Variants in PCDHGC4 observed in about 807,000 individuals in gnomAD.
PCDHGC4 encodes protocadherin gamma-C4.
Under a neutral mutation model 59.7 loss-of-function variants are expected in PCDHGC4, and 15 were observed. The observed-to-expected ratio is 0.25, with a 90% confidence interval of 0.17 to 0.39. PCDHGC4 has a LOEUF of 0.39. Among genes scored for constraint, PCDHGC4 ranks in the 10% least tolerant of loss-of-function variants. The pLI is 1.00. For missense variants in PCDHGC4, 1,016 were observed against 1,189.5 expected (o/e 0.85, Z 2.15); for synonymous variants, 434 against 481.4 (o/e 0.90, Z 1.29).
intron 2 of PCDHGC4, among the ~76,000 whole-genome samples, chr5:141,504,799 C>A (rs1474096570): frequency 6.6e-6 from 1 of 151,994 alleles, no homozygotes; most frequent in African/African-American, 2.4e-5. Context: ...CCTACATCTC[C>A]CCCTAGGTAC....
At position 141,511,238 on chromosome 5, in the gene PCDHGC4, G is replaced by A; in HGVS notation, c.*65G>A. ...CAACCAGCCCAGCTTCTCCTTACCT[G>A]CACCCAGGCCTCAGAGTTTCAGGGC... On this transcript the variant is annotated 3_prime_UTR_variant, in exon 4 of 4. Coordinates refer to ENST00000306593, the MANE Select transcript of PCDHGC4 (RefSeq NM_018928.3). 6.3e-7 allele frequency: 1 copy of A among 1,589,142 alleles called. No homozygotes were observed. The highest frequency in any genetic ancestry group is 2.3e-5 in the East Asian group (1 of 43,302).
chr5:141,499,486 C>T (rs569172977), intron 2 of PCDHGC4, among the ~76,000 whole-genome samples: 3 of 152,284 alleles, frequency 2.0e-5, no homozygotes, highest in East Asian at 1.9e-4. Context: ...CCACCAACTA[C>T]AGTTTAATAT....
intron 2 of PCDHGC4, among the ~76,000 whole-genome samples, chr5:141,502,829 C>A (rs1034808123): frequency 2.0e-5 from 3 of 150,428 alleles, no homozygotes; most frequent in African/African-American, 7.4e-5. Context: ...CTTGGGGAAG[C>A]CTGGACTGGC....
rs2099745664 is a variant in PCDHGC4 at position 141,493,015 on chromosome 5, T to A, written c.2443-1792T>A. Among the ~76,000 whole-genome samples, 1 of 152,238 alleles carries A rather than the reference T, an allele frequency of 6.6e-6. No homozygotes were observed. The highest frequency in any genetic ancestry group is 1.5e-5 in the Non-Finnish European group (1 of 68,040). ...ATGGAAAGCTATAGGCTCTGCCAGA[T>A]GCCAGGGTGCCCTTATGTGTGAGGA... On this transcript the variant is annotated intron_variant, in intron 1 of 3. Transcript: ENST00000306593. The surrounding 1 kb of genome is among the most constrained non-coding windows in gnomAD (Gnocchi z 4.3).
chr5:141,490,120 G>A lies in PCDHGC4; in HGVS notation c.2442+2505G>A. On this transcript the variant is annotated intron_variant, in intron 1 of 3. Coordinates refer to ENST00000306593, the MANE Select transcript of PCDHGC4 (RefSeq NM_018928.3). This position sits in a 1 kb window ranked among gnomAD's most constrained non-coding sequence, Gnocchi z 5.4. ...ATCTGAGGCAGTGCGGAACCTCTTT[G>A]GCCTAGACCCTAGCAGTGGGGCAAT... 6.2e-7 allele frequency: 1 copy of A among 1,614,224 alleles called. No homozygotes were observed. Among genetic ancestry groups the A allele is most frequent in the East Asian group, 2.2e-5 (1 of 44,888 alleles).
At chr5:141,503,736 T>C (rs1381045077) in intron 2 of PCDHGC4, among the ~76,000 whole-genome samples, 4 of 152,202 alleles carry the variant, frequency 2.6e-5, no homozygotes, top group African/African-American at 9.6e-5. Context: ...TTTGTTGTGA[T>C]GGTATAGAGG....
intron 2 of PCDHGC4, among the ~76,000 whole-genome samples, chr5:141,495,601 G>A (rs1315613802): frequency 3.3e-5 from 5 of 152,004 alleles, no homozygotes; most frequent in South Asian, 2.1e-4. Context: ...CTTAGCTTCC[G>A]TCTTGATTGC....
chr5:141,499,418 A>G (rs143234735), intron 2 of PCDHGC4, among the ~76,000 whole-genome samples: 1 of 152,296 alleles, frequency 6.6e-6, no homozygotes, highest in East Asian at 1.9e-4. Context: ...GAAACATGAA[A>G]AATAGAAAAA....
Position 141,487,082 on chromosome 5 carries a change from G to A in PCDHGC4, c.1909G>A (p.Asp637Asn), listed in dbSNP as rs2099639361. Residue 637 changes from aspartate to asparagine, a missense_variant, in exon 1 of 4, where the codon GAC (aspartate) becomes AAC (asparagine). Transcript: ENST00000306593. The surrounding 1 kb of genome is among the most constrained non-coding windows in gnomAD (Gnocchi z 5.0). Reference sequence around the variant, plus strand: ...GCGGACGGCTGTTCCTATCCCAGCTGACCTCCCACCACAGAAGCTGGTCAT... The same window carrying A: ...GCGGACGGCTGTTCCTATCCCAGCTAACCTCCCACCACAGAAGCTGGTCAT... The part of the protein sequence containing the change: ...EVRTAVPIPA[D>N]LPPQKLVIVV... The A allele has an allele frequency of 8.1e-6, 13 of 1,614,056 alleles. No individual in the cohort carries two copies. The highest frequency in any genetic ancestry group is 1.1e-5 in the Non-Finnish European group (13 of 1,179,938).
chr5:141,492,691 C>G (rs2099743102), intron 1 of PCDHGC4, among the ~76,000 whole-genome samples: 1 of 152,274 alleles, frequency 6.6e-6, no homozygotes, highest in South Asian at 2.1e-4. Flanking sequence ...TCGGCGACCC[C>G]TCAACCCAGA....
chr5:141,491,932 G>A lies in PCDHGC4; in HGVS notation c.2443-2875G>A. Reference sequence around the variant, plus strand: ...GGCGACTGTGGGCGAGGGGAGGTGGGACCGACCCCCACCCCTACACTCAAA... The same window carrying A: ...GGCGACTGTGGGCGAGGGGAGGTGGAACCGACCCCCACCCCTACACTCAAA... On this transcript the variant is annotated intron_variant, in intron 1 of 3. Transcript: ENST00000306593. This position sits in a 1 kb window ranked among gnomAD's most constrained non-coding sequence, Gnocchi z 6.9. 1 of 1,259,014 alleles carries A rather than the reference G, an allele frequency of 7.9e-7. No homozygotes were observed. The highest frequency in any genetic ancestry group is 1.1e-6 in the Non-Finnish European group (1 of 926,048). The allele number at this position is 1,259,014 out of a possible 1,614,324, so 78.0% of individuals were successfully genotyped here. A position where few individuals can be genotyped will look rare whatever the true frequency, so the allele number is the denominator to read the frequency against.
At chr5:141,495,710 G>C (rs2099763133) in intron 2 of PCDHGC4, among the ~76,000 whole-genome samples, 1 of 152,148 alleles carries the variant, frequency 6.6e-6, no homozygotes, top group Non-Finnish European at 1.5e-5. Flanking sequence ...TGTGGAGTGA[G>C]TAACTACACG....
At chr5:141,500,500 C>T (rs6872480) in intron 2 of PCDHGC4, among the ~76,000 whole-genome samples, 1,599 of 152,210 alleles carry the variant, frequency 0.011, 36 homozygotes, top group African/African-American at 0.036. Context: ...TGAGCCACCG[C>T]GCCTGGCCGA....
At chr5:141,500,619 G>A (rs1230172485) in intron 2 of PCDHGC4, among the ~76,000 whole-genome samples, 1 of 152,072 alleles carries the variant, frequency 6.6e-6, no homozygotes, top group East Asian at 1.9e-4. Context: ...CCAGTCATAC[G>A]GTACATTTCC....
chr5:141,502,491 T>G lies in PCDHGC4; in HGVS notation c.2502-2902T>G, dbSNP rs557202239. Among the ~76,000 whole-genome samples, 1,415 of 152,344 alleles carry G rather than the reference T, an allele frequency of 9.3e-3. 29 individuals carry two copies. The highest frequency in any genetic ancestry group is 0.033 in the African/African-American group (1,352 of 41,578). ...TCCCGCAGCATCACACTGGGACTCA[T>G]CTAACGTCGGCCTGTCCCACTATCA... is the stretch of plus-strand genomic sequence containing the variant. On this transcript the variant is annotated intron_variant, in intron 2 of 3. Transcript: ENST00000306593.
At chr5:141,506,119 G>T (rs1171566108) in intron 3 of PCDHGC4, among the ~76,000 whole-genome samples, 1 of 152,106 alleles carries the variant, frequency 6.6e-6, no homozygotes, top group African/African-American at 2.4e-5. Context: ...AGTCACTAGG[G>T]CCCAGAGCAG....
rs1014896576 is a variant in PCDHGC4, at chr5:141,512,427, C to T, written c.*1254C>T. 6.5e-6 allele frequency: 1 copy of T among 152,788 alleles called. No individual in the cohort carries two copies. Among genetic ancestry groups the T allele is most frequent in the African/African-American group, 2.4e-5 (1 of 41,460 alleles). The allele number at this position is 152,788 out of a possible 1,614,324, so 9.5% of individuals were successfully genotyped here. A position where few individuals can be genotyped will look rare whatever the true frequency, so the allele number is the denominator to read the frequency against. On this transcript the variant is annotated 3_prime_UTR_variant, in exon 4 of 4. Transcript: ENST00000306593. ...GGGCTTCTTCAACAGGGCCCCTGCC[C>T]TCCTGAAGCCTCAGTCCTTCACCTT...
intron 2 of PCDHGC4, among the ~76,000 whole-genome samples, chr5:141,503,075 G>C (rs1373753092): frequency 6.6e-6 from 1 of 151,438 alleles, no homozygotes; most frequent in Non-Finnish European, 1.5e-5. Context: ...GAATGGTCTC[G>C]ATCTCCTGAC....
Position 141,505,383 on chromosome 5 carries a change from C to T in PCDHGC4, c.2502-10C>T, listed in dbSNP as rs369765886. On this transcript the variant is annotated splice_polypyrimidine_tract_variant and intron_variant, in intron 2 of 3. Coordinates refer to ENST00000306593, the MANE Select transcript of PCDHGC4 (RefSeq NM_018928.3). Reference sequence around the variant, plus strand: ...GGGAGTCTGTGCTCACCATCCTACTCTCTCCCCAGCTCCCAAAATGGCGAT... The same window carrying T: ...GGGAGTCTGTGCTCACCATCCTACTTTCTCCCCAGCTCCCAAAATGGCGAT... The T allele has an allele frequency of 1.2e-6, 2 of 1,613,944 alleles. No individual in the cohort carries two copies. Among genetic ancestry groups the T allele is most frequent in the African/African-American group, 2.7e-5 (2 of 74,914 alleles).
Sources: gnomAD v4.1 joint callset for allele counts (sites outside exome capture counted in the v4.1 genomes callset) on GRCh38, gnomAD v4.1.1 for gene constraint, Gnocchi (gnomAD v3.1) non-coding constraint, MANE v1.5 for transcripts, NCBI Gene and HGNC (gene_info 2026-07-23, HGNC 2026-07-21) for gene names.